The following LHFPL3 variants were observed in gnomAD, a reference collection of about 807,000 sequenced individuals.
LHFPL3 encodes the protein LHFPL tetraspan subfamily member 3 protein.
In LHFPL3, 5 loss-of-function variants were observed where a neutral mutation model predicts 19.3. The ratio of observed to expected loss-of-function variants is 0.26; its 90% CI spans 0.14 to 0.54. The LOEUF is 0.54. Ranked by LOEUF, LHFPL3 falls within the 20% of genes least tolerant of loss-of-function variation. The probability of loss-of-function intolerance (pLI) is 0.94; values close to 1 mark genes in which losing one functional copy is unlikely to be tolerated. For synonymous variants in LHFPL3, 133 were observed against 126.2 expected (o/e 1.05, Z -0.36); for missense variants, 249 against 307.4 (o/e 0.81, Z 1.42).
intron 1 of LHFPL3, among the ~76,000 whole-genome samples, chr7:104,584,294 A>T (rs1439117964): frequency 6.6e-6 from 1 of 151,264 alleles, no homozygotes; most frequent in East Asian, 1.9e-4. Flanking sequence ...AACGTCACAC[A>T]CTAGGGACTG....
At chr7:104,361,519 G>A (rs554233895) in intron 1 of LHFPL3, among the ~76,000 whole-genome samples, 1 of 152,286 alleles carries the variant, frequency 6.6e-6, no homozygotes, top group African/African-American at 2.4e-5. Context: ...GAGAAGCAAG[G>A]AATAGGTAAA....
intron 1 of LHFPL3, among the ~76,000 whole-genome samples, chr7:104,546,624 T>C (rs1584393079): frequency 6.6e-6 from 1 of 152,344 alleles, no homozygotes; most frequent in East Asian, 1.9e-4. Context: ...GCTAATGTTC[T>C]TAATATAGCA....
chr7:104,406,609 T>A (rs1791420027), intron 1 of LHFPL3, among the ~76,000 whole-genome samples: 1 of 152,224 alleles, frequency 6.6e-6, no homozygotes, highest in South Asian at 2.1e-4. Context: ...CCATGATCTT[T>A]CCACTGATCC....
At chr7:104,708,534 G>A (rs1328559361) in intron 1 of LHFPL3, among the ~76,000 whole-genome samples, 3 of 152,058 alleles carry the variant, frequency 2.0e-5, no homozygotes, top group Non-Finnish European at 4.4e-5. Flanking sequence ...CCTGGCAATT[G>A]TAAGTTCTAT....
intron 1 of LHFPL3, among the ~76,000 whole-genome samples, chr7:104,674,372 CTT>C (rs531335106): frequency 2.5e-4 from 34 of 134,608 alleles, no homozygotes; most frequent in Admixed American, 3.0e-4. Flanking sequence ...TTTTCTTTTT[CTT>C]TTTTTTTTTT....
chr7:104,528,474 C>T (rs1310157249), intron 1 of LHFPL3, among the ~76,000 whole-genome samples: 3 of 152,144 alleles, frequency 2.0e-5, no homozygotes, highest in Non-Finnish European at 4.4e-5. Context: ...AATTAAAAAA[C>T]ACCTTCTGTA....
intron 1 of LHFPL3, among the ~76,000 whole-genome samples, chr7:104,448,967 A>G (rs1203424164): frequency 1.3e-5 from 2 of 152,204 alleles, no homozygotes; most frequent in Non-Finnish European, 2.9e-5. Flanking sequence ...TTCAATACTA[A>G]TAGAGTTACT....
intron 2 of LHFPL3, among the ~76,000 whole-genome samples, chr7:104,758,959 T>A (rs889060558): frequency 2.0e-5 from 3 of 152,210 alleles, no homozygotes; most frequent in Non-Finnish European, 4.4e-5. Flanking sequence ...TAAGAAATTG[T>A]CATTTGAGAC....
intron 1 of LHFPL3, among the ~76,000 whole-genome samples, chr7:104,669,979 T>C (rs1373728340): frequency 6.6e-6 from 1 of 152,196 alleles, no homozygotes; most frequent in Admixed American, 6.5e-5. Context: ...TTTTAGTTTT[T>C]TTCCTATTGT....
intron 2 of LHFPL3, among the ~76,000 whole-genome samples, chr7:104,902,560 G>A (rs146852083): frequency 6.0e-4 from 92 of 152,182 alleles, no homozygotes; most frequent in African/African-American, 2.1e-3. Flanking sequence ...GCCGAGGTGG[G>A]TGGATCACCT....
At chr7:104,546,141 T>C (rs2115891554) in intron 1 of LHFPL3, among the ~76,000 whole-genome samples, 1 of 152,314 alleles carries the variant, frequency 6.6e-6, no homozygotes, top group Middle Eastern at 3.4e-3. Context: ...ATGACATAAA[T>C]AGTTTAACTA....
intron 1 of LHFPL3, among the ~76,000 whole-genome samples, chr7:104,401,907 G>A (rs73403862): frequency 0.041 from 6,200 of 152,108 alleles, 436 homozygotes; most frequent in African/African-American, 0.14. Context: ...ATTATTAATG[G>A]AACAATGGAA....
chr7:104,835,274 A>G (rs2116572519), intron 2 of LHFPL3, among the ~76,000 whole-genome samples: 1 of 150,034 alleles, frequency 6.7e-6, no homozygotes, highest in East Asian at 2.2e-4. Context: ...GTGCCCCTTA[A>G]ATATCGTTCC....
chr7:104,651,863 G>A (rs1792040089), intron 1 of LHFPL3, among the ~76,000 whole-genome samples: 1 of 152,158 alleles, frequency 6.6e-6, no homozygotes, highest in South Asian at 2.1e-4. Context: ...CTTGTAAAAT[G>A]GTGATAATTT....
At chr7:104,749,378 C>T (rs944149127) in intron 2 of LHFPL3, among the ~76,000 whole-genome samples, 3 of 152,260 alleles carry the variant, frequency 2.0e-5, no homozygotes, top group Admixed American at 6.5e-5. Flanking sequence ...TTGAAGAGCT[C>T]GACCTACAAA....
At chr7:104,397,961 G>C (rs1300744545) in intron 1 of LHFPL3, among the ~76,000 whole-genome samples, 1 of 152,120 alleles carries the variant, frequency 6.6e-6, no homozygotes, top group East Asian at 1.9e-4. Flanking sequence ...AGTTTCTCAT[G>C]ATAGACAGGG....
intron 1 of LHFPL3, among the ~76,000 whole-genome samples, chr7:104,532,773 C>T (rs1794326258): frequency 6.6e-6 from 1 of 152,168 alleles, no homozygotes; most frequent in African/African-American, 2.4e-5. Flanking sequence ...CAAAAATTAT[C>T]TTAGCATAGA....
Position 104,491,459 on chromosome 7 carries a change from A to C in LHFPL3, c.445+162235A>C, listed in dbSNP as rs1168154569. On this transcript the variant is annotated intron_variant, in intron 1 of 2. Coordinates refer to ENST00000424859, the MANE Select transcript of LHFPL3 (RefSeq NM_199000.3). Reference sequence around the variant, plus strand: ...CTGTCACCCTTGGCAAATAGCAAGAATTTTTCCATGTAAAAAAAAAAACAA... The same window carrying C: ...CTGTCACCCTTGGCAAATAGCAAGACTTTTTCCATGTAAAAAAAAAAACAA... Among the ~76,000 whole-genome samples, 20 of 144,420 alleles carry C rather than the reference A, an allele frequency of 1.4e-4. No individual in the cohort carries two copies. The Admixed American group carries it at 1.4e-3, about 10-fold the overall frequency. The allele number at this position is 144,420 out of a possible 152,430, so 94.7% of individuals were successfully genotyped here.
intron 2 of LHFPL3, among the ~76,000 whole-genome samples, chr7:104,761,574 G>A (rs1794372143): frequency 6.6e-6 from 1 of 152,024 alleles, no homozygotes; most frequent in Non-Finnish European, 1.5e-5. Flanking sequence ...AAGAAGGTTT[G>A]GGAAGGCTAG....
Sources: allele counts gnomAD v4.1 joint callset (sites outside exome capture counted in the v4.1 genomes callset), GRCh38; gene constraint gnomAD v4.1.1; transcripts MANE v1.5; gene names NCBI Gene and HGNC (gene_info 2026-07-23, HGNC 2026-07-21).